CEMIP: variants seen among roughly 807,000 people sequenced by gnomAD.
CEMIP encodes cell migration inducing hyaluronidase 1.
In CEMIP, 105 loss-of-function variants were observed where a neutral mutation model predicts 156.9. The observed-to-expected ratio is 0.67, with a 90% CI of 0.57 to 0.79. CEMIP has a LOEUF of 0.79. CEMIP is among the 30% of genes least tolerant of loss of function. CEMIP has a pLI of 0.00. For missense variants in CEMIP, 1,457 were observed against 1,769.4 expected (o/e 0.82, Z 3.17); for synonymous variants, 676 against 668.4 (o/e 1.01, Z -0.17).
At chr15:80,796,472 A>G (rs1277229144) in intron 1 of CEMIP, among the ~76,000 whole-genome samples, 1 of 152,224 alleles carries the variant, frequency 6.6e-6, no homozygotes, top group East Asian at 1.9e-4. Context: ...GGAGACTGCC[A>G]GGAAATGAAT....
intron 1 of CEMIP, among the ~76,000 whole-genome samples, chr15:80,812,803 C>T (rs552784782): frequency 1.3e-5 from 2 of 152,034 alleles, no homozygotes; most frequent in Non-Finnish European, 2.9e-5. Flanking sequence ...GCTGAGAAAA[C>T]ACTGGAATGA....
intron 1 of CEMIP, among the ~76,000 whole-genome samples, chr15:80,853,429 G>A (rs1897760549): frequency 6.6e-6 from 1 of 152,186 alleles, no homozygotes; most frequent in Non-Finnish European, 1.5e-5. Context: ...CTGGGAGTCA[G>A]AAATCTTGCT....
At chr15:80,865,893 GT>G (rs1276672090) in intron 1 of CEMIP, among the ~76,000 whole-genome samples, 1 of 152,194 alleles carries the variant, frequency 6.6e-6, no homozygotes, top group Admixed American at 6.5e-5. Context: ...TTAGATTTCA[GT>G]GCCTGTTGCA....
chr15:80,846,314 C>G (rs1056099799), intron 1 of CEMIP, among the ~76,000 whole-genome samples: 3 of 152,194 alleles, frequency 2.0e-5, no homozygotes, highest in African/African-American at 7.2e-5. Flanking sequence ...GCTCTTCCCC[C>G]GTCTCTCTCT....
chr15:80,926,747 T>TAA (rs1900686980), intron 19 of CEMIP, among the ~76,000 whole-genome samples: 1 of 132,690 alleles, frequency 7.5e-6, no homozygotes, highest in South Asian at 2.3e-4. Flanking sequence ...TGGCCAAAAA[T>TAA]AAACAATAAA....
chr15:80,844,324 G>A (rs963124235), intron 1 of CEMIP, among the ~76,000 whole-genome samples: 1 of 152,214 alleles, frequency 6.6e-6, no homozygotes, highest in East Asian at 1.9e-4. Context: ...GCTTTAATGT[G>A]TCCTGGGGAA....
intron 14 of CEMIP, among the ~76,000 whole-genome samples, chr15:80,914,892 G>T (rs1336025015): frequency 6.6e-6 from 1 of 151,980 alleles, no homozygotes; most frequent in East Asian, 1.9e-4. Flanking sequence ...GGGGGATCAG[G>T]GTTTTTAAGG....
At chr15:80,816,887 C>T (rs1567057435) in intron 1 of CEMIP, among the ~76,000 whole-genome samples, 1 of 152,048 alleles carries the variant, frequency 6.6e-6, no homozygotes, top group Non-Finnish European at 1.5e-5. Flanking sequence ...AGAGTAACTG[C>T]AAACAAAGCG....
In CEMIP at chr15:80,929,024, G is replaced by C; in HGVS notation, c.2462G>C (p.Gly821Ala). ...NGIGLTLASG[G>A]TFPYDDGSKQ... is the part of the protein sequence containing the mutation. ...TAAACATCTTCTCTCTACAGTGGTG[G>C]AACCTTCCCGTATGACGACGGCTCC... The change falls in exon 21 of 30, where the codon GGA becomes GCA. Residue 821 changes from glycine to alanine, a missense_variant. Physicochemically the swap from Gly to Ala is moderately conservative, Grantham distance 60. Transcript: ENST00000394685. The C allele has an allele frequency of 6.2e-7, 1 of 1,614,182 alleles. No individual in the cohort carries two copies. Among genetic ancestry groups the C allele is most frequent in the Non-Finnish European group, 8.5e-7 (1 of 1,180,038 alleles).
intron 1 of CEMIP, among the ~76,000 whole-genome samples, chr15:80,784,041 C>A (rs766516757): frequency 1.7e-4 from 26 of 152,184 alleles, no homozygotes; most frequent in Non-Finnish European, 3.2e-4. Context: ...GGAGCACAAG[C>A]AGTCAGGCCT....
intron 12 of CEMIP, among the ~76,000 whole-genome samples, chr15:80,899,905 G>A (rs971911453): frequency 6.6e-6 from 1 of 152,218 alleles, no homozygotes; most frequent in African/African-American, 2.4e-5. Context: ...ACTCTTGGCA[G>A]GAGTGGCATT....
chr15:80,807,673 A>C (rs998652340), intron 1 of CEMIP, among the ~76,000 whole-genome samples: 1 of 152,242 alleles, frequency 6.6e-6, no homozygotes, highest in Non-Finnish European at 1.5e-5. Context: ...GAGGGACAGT[A>C]AGACATCATA....
chr15:80,907,111 C>A (rs1211604444), intron 13 of CEMIP, among the ~76,000 whole-genome samples: 2 of 152,226 alleles, frequency 1.3e-5, no homozygotes, highest in African/African-American at 4.8e-5. Context: ...CACACTGTTT[C>A]AACATTGCCT....
At chr15:80,897,149 T>C (rs769230591) in intron 12 of CEMIP, 3 of 383,184 alleles carry the variant, frequency 7.8e-6, no homozygotes, top group Non-Finnish European at 1.1e-5. Flanking sequence ...ACTTAAGAGG[T>C]GTTAAACGTA....
At chr15:80,942,461 AG>A in intron 27 of CEMIP, 124 bp downstream of exon 27, 1 of 833,408 alleles carries the variant, frequency 1.2e-6, no homozygotes, top group Non-Finnish European at 2.0e-6. Flanking sequence ...GGTTTCCTCC[AG>A]GGGGCTTGGG....
At chr15:80,840,384 G>A (rs1346604444) in intron 1 of CEMIP, among the ~76,000 whole-genome samples, 1 of 152,110 alleles carries the variant, frequency 6.6e-6, no homozygotes, top group African/African-American at 2.4e-5. Flanking sequence ...CAGCCTGTCA[G>A]GACCCTCCTT....
Position 80,896,000 on chromosome 15 carries a change from G to A in CEMIP, c.1351G>A (p.Ala451Thr), listed in dbSNP as rs752502897. Reference sequence around the variant, plus strand: ...CAGTACTGATTACTCCATGTACCAGGCAGAAGAGTTCCAGGTGCTTCCCTG... The same window carrying A: ...CAGTACTGATTACTCCATGTACCAGACAGAAGAGTTCCAGGTGCTTCCCTG... Reference protein sequence around the residue: ...IASTDYSMYQAEEFQVLPCRS... With the variant: ...IASTDYSMYQTEEFQVLPCRS... The change falls in exon 12 of 30, where the codon GCA becomes ACA. Residue 451 changes from alanine to threonine, a missense_variant. Around this residue, in one of 5 missense-constraint regions of CEMIP, gnomAD observed 280 missense variants for 300.3 expected, o/e 0.93. Coordinates refer to ENST00000394685, the MANE Select transcript of CEMIP (RefSeq NM_001293298.2). 6.2e-7 allele frequency: 1 copy of A among 1,614,158 alleles called. No homozygotes were observed. The highest frequency in any genetic ancestry group is 8.5e-7 in the Non-Finnish European group (1 of 1,180,038).
intron 7 of CEMIP, 64 bp downstream of exon 7, chr15:80,884,418 G>T: frequency 1.3e-6 from 2 of 1,541,648 alleles, no homozygotes; most frequent in Non-Finnish European, 1.8e-6. Flanking sequence ...ATCCCACTGA[G>T]AATTTACCTT....
intron 1 of CEMIP, among the ~76,000 whole-genome samples, chr15:80,851,013 C>T (rs1435633420): frequency 6.6e-5 from 10 of 152,218 alleles, no homozygotes; most frequent in Admixed American, 5.9e-4. Flanking sequence ...AGACTGACTT[C>T]AGACTCTCTC....
Sources: gnomAD v4.1 joint callset for allele counts (sites outside exome capture counted in the v4.1 genomes callset) on GRCh38, gnomAD v4.1.1 for gene constraint, gnomAD v4.1.1 regional missense constraint, MANE v1.5 for transcripts, NCBI Gene and HGNC (gene_info 2026-07-23, HGNC 2026-07-21) for gene names.